Variants in GAS2 observed in about 807,000 individuals in gnomAD.
GAS2 encodes the protein growth arrest specific 2, also known as growth arrest-specific protein 2.
A neutral mutation model predicts 37.5 loss-of-function variants in GAS2; 20 were observed. The observed-to-expected ratio is 0.53, with a 90% CI of 0.37 to 0.77. GAS2 has a LOEUF of 0.77. GAS2 is among the 30% of genes least tolerant of loss of function. GAS2 has a pLI of 0.00. For missense variants in GAS2, 336 were observed against 373.4 expected (o/e 0.90, Z 0.82); for synonymous variants, 144 against 132.2 (o/e 1.09, Z -0.61).
intron 7 of GAS2, among the ~76,000 whole-genome samples, chr11:22,765,619 A>G (rs899001798): frequency 6.6e-6 from 1 of 152,030 alleles, no homozygotes; most frequent in Non-Finnish European, 1.5e-5. Context: ...CTCTACTAAA[A>G]TTACAAAAAA....
intron 1 of GAS2, among the ~76,000 whole-genome samples, chr11:22,631,798 T>C (rs1464200757): frequency 6.6e-6 from 1 of 152,050 alleles, no homozygotes; most frequent in Admixed American, 6.6e-5. Flanking sequence ...TTATGTCTTT[T>C]CCTGGCTTTG....
At chr11:22,626,667 TCTTA>T (rs1858659193) in intron 1 of GAS2, 1 of 152,180 alleles carries the variant, frequency 6.6e-6, no homozygotes, top group African/African-American at 2.4e-5. Flanking sequence ...GCACAACAAT[TCTTA>T]CTTAAGTTCA....
intron 1 of GAS2, among the ~76,000 whole-genome samples, chr11:22,659,181 T>G (rs1322074550): frequency 6.6e-6 from 1 of 152,226 alleles, no homozygotes; most frequent in Non-Finnish European, 1.5e-5. Flanking sequence ...GATTAATGTG[T>G]GAAACTAGGT....
Position 22,657,977 on chromosome 11 carries a change from C to G in GAS2, c.-20-16873C>G, listed in dbSNP as rs190975872. ...AACATTTGGTGTTAGAAATTTAAAA[C>G]GATCCAGATGTATTGGTGGAATGTA... is the stretch of plus-strand genomic sequence containing the variant. On this transcript the variant is annotated intron_variant, in intron 1 of 5. Coordinates refer to the GAS2 transcript ENST00000528582. Among the ~76,000 whole-genome samples the G allele has an allele frequency of 1.2e-4, 18 of 151,146 alleles. 1 individual carries two copies. The highest frequency in any genetic ancestry group is 7.0e-3 in the Middle Eastern group (2 of 284).
chr11:22,805,165 C>T (rs1049151799), intron 7 of GAS2, among the ~76,000 whole-genome samples: 23 of 151,886 alleles, frequency 1.5e-4, no homozygotes, highest in African/African-American at 5.6e-4. Context: ...AGCTATAAAT[C>T]TCTATGACAG....
intron 7 of GAS2, among the ~76,000 whole-genome samples, chr11:22,782,028 G>A (rs1220037537): frequency 6.6e-6 from 1 of 152,152 alleles, no homozygotes; most frequent in Non-Finnish European, 1.5e-5. Flanking sequence ...TTAAAATGGG[G>A]ACCAAGTTAT....
At chr11:22,683,043 T>C (rs2133931160) in intron 2 of GAS2, among the ~76,000 whole-genome samples, 1 of 152,166 alleles carries the variant, frequency 6.6e-6, no homozygotes, top group African/African-American at 2.4e-5. Context: ...AGGCTACCTG[T>C]GTGGTGAGTA....
intron 2 of GAS2, among the ~76,000 whole-genome samples, chr11:22,676,441 G>T (rs999254279): frequency 3.3e-5 from 5 of 152,094 alleles, no homozygotes; most frequent in African/African-American, 7.2e-5. Context: ...AAAGTTAAGA[G>T]CACAGGCGCT....
Position 22,666,684 on chromosome 11 carries a change from C to T in GAS2, c.-236C>T, listed in dbSNP as rs1320849229. The T allele has an allele frequency of 1.3e-5, 2 of 152,330 alleles. No individual in the cohort carries two copies. Among genetic ancestry groups the T allele is most frequent in the East Asian group, 1.9e-4 (1 of 5,194 alleles). The allele number at this position is 152,330 out of a possible 1,614,324, so 9.4% of individuals were successfully genotyped here. On this transcript the variant is annotated 5_prime_UTR_variant, in exon 1 of 8. Coordinates refer to ENST00000454584, the MANE Select transcript of GAS2 (RefSeq NM_001143830.3). ...TCTGTTTCTGGCAGGGAGAAAAAAT[C>T]GTTTTCCCAAACAGCACTAAAAGGA...
intron 6 of GAS2, among the ~76,000 whole-genome samples, chr11:22,753,031 T>C (rs1853831524): frequency 6.6e-6 from 1 of 152,108 alleles, no homozygotes; most frequent in Non-Finnish European, 1.5e-5. Flanking sequence ...TCTCACACAA[T>C]GAGTTGAATA....
chr11:22,685,850 A>G, intron 3 of GAS2, 61 bp downstream of exon 3: 1 of 1,527,468 alleles, frequency 6.5e-7, no homozygotes, highest in East Asian at 2.3e-5. Flanking sequence ...AATTGCTTAT[A>G]AATTGTGTGT....
chr11:22,670,389 C>A (rs1172384930), intron 1 of GAS2, among the ~76,000 whole-genome samples: 1 of 134,486 alleles, frequency 7.4e-6, no homozygotes, highest in Admixed American at 7.1e-5. Flanking sequence ...GATTAATCAT[C>A]ATCTTAGGGG....
At chr11:22,802,543 G>A (rs1273391305) in intron 7 of GAS2, among the ~76,000 whole-genome samples, 1 of 151,370 alleles carries the variant, frequency 6.6e-6, no homozygotes, top group East Asian at 1.9e-4. Context: ...GCTTAAGTCA[G>A]TAATGGATCG....
At chr11:22,726,003 A>G (rs1481602829) in intron 3 of GAS2, among the ~76,000 whole-genome samples, 1 of 152,164 alleles carries the variant, frequency 6.6e-6, no homozygotes, top group Non-Finnish European at 1.5e-5. Flanking sequence ...AGGGAAGGCC[A>G]TAAAAATTAT....
intron 4 of GAS2, 152 bp from the exon 5 acceptor site, chr11:22,737,553 G>T (rs1852820266): frequency 1.5e-6 from 1 of 679,408 alleles, no homozygotes; most frequent in Non-Finnish European, 2.7e-6. Flanking sequence ...AGAGCTAGAT[G>T]TATTGAGGTA....
intron 5 of GAS2, among the ~76,000 whole-genome samples, chr11:22,746,484 A>G (rs1565123524): frequency 6.6e-6 from 1 of 152,222 alleles, no homozygotes; most frequent in Non-Finnish European, 1.5e-5. Context: ...GGTGGATTGG[A>G]TAAAGAAAAT....
At chr11:22,737,377 A>G (rs975329357) in intron 4 of GAS2, among the ~76,000 whole-genome samples, 1 of 152,166 alleles carries the variant, frequency 6.6e-6, no homozygotes, top group Non-Finnish European at 1.5e-5. Context: ...TTACAGCTAC[A>G]TAGGCATCCA....
intron 7 of GAS2, among the ~76,000 whole-genome samples, chr11:22,807,063 A>G (rs1366612441): frequency 6.8e-6 from 1 of 147,812 alleles, no homozygotes; most frequent in Non-Finnish European, 1.5e-5. Flanking sequence ...GCAATAGTGT[A>G]TTTATGTATG....
At chr11:22,736,629 T>C (rs1355874719) in intron 4 of GAS2, among the ~76,000 whole-genome samples, 1 of 152,046 alleles carries the variant, frequency 6.6e-6, no homozygotes, top group Non-Finnish European at 1.5e-5. Flanking sequence ...TCATAATCTG[T>C]AGAAAGAAGA....
Sources: gnomAD v4.1 joint callset for allele counts (sites outside exome capture counted in the v4.1 genomes callset) on GRCh38, gnomAD v4.1.1 for gene constraint, MANE v1.5 for transcripts, NCBI Gene and HGNC (gene_info 2026-07-23, HGNC 2026-07-21) for gene names.